The following APOO variants were observed in gnomAD, a reference collection of about 807,000 sequenced individuals.
The protein encoded by APOO is MICOS complex subunit MIC26.
A neutral mutation model predicts 23.1 loss-of-function variants in APOO; 11 were observed. That is an observed-to-expected ratio of 0.48 (90% CI 0.30 to 0.79). The LOEUF is 0.79. Ranked by LOEUF, APOO falls within the 30% of genes least tolerant of loss-of-function variation. The pLI is 0.07. For missense variants in APOO, 160 were observed against 142.7 expected, an observed-to-expected ratio of 1.12 and a Z score of -0.62; for synonymous variants, 59 against 54.8, an observed-to-expected ratio of 1.08 and a Z score of -0.34.
At chrX:23,894,387 C>T (rs754841238) in intron 1 of APOO, among the ~76,000 whole-genome samples, 12 of 111,145 alleles carry the variant, frequency 1.1e-4, no homozygotes, top group African/African-American at 2.9e-4. Flanking sequence ...TCAGGCCTCC[C>T]AAAGTGCTGG....
intron 8 of APOO, chrX:23,836,606 C>T (rs1324816445): frequency 2.3e-5 from 16 of 705,575 alleles, no homozygotes; most frequent in Non-Finnish European, 2.8e-5. Context: ...AGCCACCACG[C>T]CCAGCCCCAG....
chrX:23,879,178 G>A, intron 2 of APOO, 144 bp from the exon 3 acceptor site: 3 of 742,732 alleles, frequency 4.0e-6, no homozygotes, highest in Non-Finnish European at 5.5e-6. Context: ...GTTCACGCTT[G>A]TAATCCCAGC....
intron 1 of APOO, among the ~76,000 whole-genome samples, chrX:23,899,046 G>T (rs906987885): frequency 1.8e-5 from 2 of 112,341 alleles, no homozygotes; most frequent in African/African-American, 6.5e-5. Flanking sequence ...CTAAGGCAAT[G>T]AACATGCACT....
intron 7 of APOO, among the ~76,000 whole-genome samples, chrX:23,848,153 A>T (rs1172124910): frequency 9.4e-5 from 10 of 106,410 alleles, no homozygotes; most frequent in African/African-American, 3.5e-4. Context: ...GATTACAGGC[A>T]TGAGCCACCG....
chrX:23,879,771 T>C (rs781311367), intron 2 of APOO, among the ~76,000 whole-genome samples: 2 of 112,398 alleles, frequency 1.8e-5, no homozygotes, highest in South Asian at 7.2e-4. Flanking sequence ...CTGATGTTAA[T>C]CAAAGCAGGA....
intron 1 of APOO, among the ~76,000 whole-genome samples, chrX:23,893,004 C>CA (rs1926736133): frequency 9.4e-6 from 1 of 106,443 alleles, no homozygotes; most frequent in Admixed American, 1.0e-4. Flanking sequence ...GTAACCAACA[C>CA]AAAAAAAAGA....
intron 3 of APOO, among the ~76,000 whole-genome samples, chrX:23,876,909 T>A (rs1292337160): frequency 8.9e-6 from 1 of 112,690 alleles, no homozygotes; most frequent in East Asian, 2.7e-4. Context: ...TTTCTACTCA[T>A]AAAGGCTTTG....
intron 8 of APOO, among the ~76,000 whole-genome samples, chrX:23,836,407 C>T (rs1453862539): frequency 1.8e-5 from 2 of 111,733 alleles, no homozygotes; most frequent in Non-Finnish European, 3.8e-5. Flanking sequence ...CTCCGCCTTT[C>T]GGGTTCAAGC....
chrX:23,852,528 C>T (rs1439692829), intron 7 of APOO, among the ~76,000 whole-genome samples: 4 of 109,152 alleles, frequency 3.7e-5, no homozygotes, highest in Non-Finnish European at 7.6e-5. Flanking sequence ...GCAGGAGAAT[C>T]GCTTGAACCC....
rs1926617129 is a variant in APOO at position 23,890,729 on chromosome X, C to T, written c.10-9777G>A. 2.7e-5 allele frequency among the ~76,000 whole-genome samples: 3 copies of T among 111,685 alleles called. No homozygotes were observed. In the Admixed American group the frequency reaches 2.9e-4, roughly 11 times the overall value. ...TGGGCTACTGGAAGTGTTCTGAGTACATTTAAGGGAGGGTAGGCTAAATTA... is the reference window on the plus strand; with the variant it reads ...TGGGCTACTGGAAGTGTTCTGAGTATATTTAAGGGAGGGTAGGCTAAATTA... On this transcript the variant is annotated intron_variant, in intron 1 of 8. Coordinates refer to ENST00000379226, the MANE Select transcript of APOO (RefSeq NM_024122.5).
At chrX:23,880,790 C>T (rs1926082192) in intron 2 of APOO, 55 bp downstream of exon 2, 11 of 746,840 alleles carry the variant, frequency 1.5e-5, no homozygotes, top group Non-Finnish European at 2.0e-5. Context: ...AAAAATTATC[C>T]TACAGTAACT....
chrX:23,882,391 C>T (rs957048148), intron 1 of APOO, among the ~76,000 whole-genome samples: 21 of 112,158 alleles, frequency 1.9e-4, no homozygotes, highest in African/African-American at 6.8e-4. Flanking sequence ...ACAGGCACTG[C>T]AAATCTCAGT....
intron 1 of APOO, among the ~76,000 whole-genome samples, chrX:23,894,048 T>C (rs1926790953): frequency 8.9e-6 from 1 of 111,796 alleles, no homozygotes; most frequent in South Asian, 3.7e-4. Context: ...TGTTTTCTTT[T>C]CAAAGCAGTT....
In APOO at chrX:23,857,534, A is replaced by T. The variant is rs1056457534; in HGVS notation, c.480+1108T>A. Among the ~76,000 whole-genome samples the T allele has an allele frequency of 2.7e-5, 3 of 111,508 alleles. No homozygotes were observed. The Admixed American group carries it at 2.9e-4, about 11-fold the overall frequency. ...ACTGGTATTTGTCATCAAAGCCATC[A>T]AGCTCCCCAAGCTGGGGCCACTGGA... On this transcript the variant is annotated intron_variant, in intron 6 of 8. Coordinates refer to ENST00000379226, the MANE Select transcript of APOO (RefSeq NM_024122.5).
In APOO at chrX:23,863,907, G is replaced by A. The variant is rs1056737905; in HGVS notation, c.388+4686C>T. 2.7e-5 allele frequency among the ~76,000 whole-genome samples: 3 copies of A among 110,553 alleles called. No homozygotes were observed. In the Admixed American group the frequency reaches 2.9e-4, roughly 11 times the overall value. ...AAAACCAGTAGAGGATGAAACTAGAGAATACACATGGCCTTGACTCCACTG... is the reference window on the plus strand; with the variant it reads ...AAAACCAGTAGAGGATGAAACTAGAAAATACACATGGCCTTGACTCCACTG... On this transcript the variant is annotated intron_variant, in intron 5 of 8. Transcript: ENST00000379226.
chrX:23,858,790 A>G, intron 5 of APOO, 57 bp from the exon 6 acceptor site: 1 of 1,046,270 alleles, frequency 9.6e-7, no homozygotes, highest in Non-Finnish European at 1.3e-6. Flanking sequence ...CACCATCACA[A>G]TTTACCTTAT....
intron 1 of APOO, among the ~76,000 whole-genome samples, chrX:23,906,369 T>C (rs190366657): frequency 1.8e-5 from 2 of 112,846 alleles, no homozygotes; most frequent in Admixed American, 9.4e-5. Flanking sequence ...AAAATAGTTA[T>C]GTTTTTTCCC....
intron 3 of APOO, among the ~76,000 whole-genome samples, chrX:23,876,748 G>A (rs1377687815): frequency 1.8e-5 from 2 of 111,671 alleles, no homozygotes; most frequent in Non-Finnish European, 3.8e-5. Flanking sequence ...GCAGTGAGCT[G>A]AGACTGCACC....
At chrX:23,898,439 G>A (rs1926996639) in intron 1 of APOO, among the ~76,000 whole-genome samples, 1 of 110,486 alleles carries the variant, frequency 9.1e-6, no homozygotes, top group Non-Finnish European at 1.9e-5. Flanking sequence ...ACCACCATGT[G>A]CACAGAGAAC....
Sources: gnomAD v4.1 joint callset for allele counts (sites outside exome capture counted in the v4.1 genomes callset) on GRCh38, gnomAD v4.1.1 for gene constraint, MANE v1.5 for transcripts, NCBI Gene and HGNC (gene_info 2026-07-23, HGNC 2026-07-21) for gene names.